Variants in MYO5B observed in about 807,000 individuals in gnomAD.
The protein encoded by MYO5B is unconventional myosin-Vb.
Under a neutral mutation model 229.3 loss-of-function variants are expected in MYO5B, and 143 were observed. The ratio of observed to expected loss-of-function variants is 0.62; its 90% CI spans 0.54 to 0.72. The LOEUF (loss-of-function observed/expected upper bound fraction) is 0.72, where lower values mean the gene tolerates loss of function less well. Ranked by LOEUF, MYO5B falls within the 30% of genes least tolerant of loss-of-function variation. The pLI is 0.00. For missense variants in MYO5B, 2,321 were observed against 2,331.0 expected (o/e 1.00, Z 0.09); for synonymous variants, 918 against 885.2 (o/e 1.04, Z -0.66).
intron 22 of MYO5B, among the ~76,000 whole-genome samples, chr18:49,892,488 A>G (rs1410250785): frequency 6.6e-6 from 1 of 152,222 alleles, no homozygotes; most frequent in African/African-American, 2.4e-5. Context: ...GCTGATGGAA[A>G]TATCAAACTC....
intron 1 of MYO5B, among the ~76,000 whole-genome samples, chr18:50,109,150 G>C (rs561619397): frequency 2.8e-4 from 43 of 152,210 alleles, no homozygotes; most frequent in African/African-American, 1.0e-3. Flanking sequence ...GAAGAACCAC[G>C]ATAAGAAAGT....
At chr18:49,935,306 T>C (rs1360719698) in intron 16 of MYO5B, among the ~76,000 whole-genome samples, 1 of 152,118 alleles carries the variant, frequency 6.6e-6, no homozygotes, top group Non-Finnish European at 1.5e-5. Context: ...AGAATTCAGT[T>C]CCTCACTCAC....
intron 1 of MYO5B, among the ~76,000 whole-genome samples, chr18:50,189,761 G>A (rs1179486570): frequency 6.6e-6 from 1 of 152,204 alleles, no homozygotes; most frequent in Non-Finnish European, 1.5e-5. Flanking sequence ...GGGTGACTGG[G>A]TACAGAGGAA....
intron 1 of MYO5B, among the ~76,000 whole-genome samples, chr18:50,059,665 C>G (rs2030639979): frequency 6.6e-6 from 1 of 152,212 alleles, no homozygotes; most frequent in Non-Finnish European, 1.5e-5. Flanking sequence ...ACCCCCTGTT[C>G]TGTGCAGGAT....
At position 49,824,005 on chromosome 18, in the gene MYO5B, C is replaced by T. The variant is rs1225693060; in HGVS notation, c.*2466G>A. 2.6e-5 allele frequency: 4 copies of T among 152,508 alleles called. No individual in the cohort carries two copies. Among genetic ancestry groups the T allele is most frequent in the African/African-American group, 9.7e-5 (4 of 41,400 alleles). 9.4% of individuals were successfully genotyped at this position (152,508 alleles called of 1,614,324 possible). ...CAACTGATGTCAGTTATCTTAGTAA[C>T]CGCTAAAGGCACCTGGTGAAAAAAA... is the stretch of plus-strand genomic sequence containing the variant. On this transcript the variant is annotated 3_prime_UTR_variant, in exon 40 of 40. Coordinates refer to ENST00000285039, the MANE Select transcript of MYO5B (RefSeq NM_001080467.3).
At chr18:50,053,827 T>C (rs2030469043) in intron 2 of MYO5B, among the ~76,000 whole-genome samples, 1 of 152,134 alleles carries the variant, frequency 6.6e-6, no homozygotes, top group Non-Finnish European at 1.5e-5. Context: ...CAGGAAATGA[T>C]CAGAGGATAT....
At chr18:50,045,154 T>G (rs1020564861) in intron 2 of MYO5B, among the ~76,000 whole-genome samples, 3 of 152,148 alleles carry the variant, frequency 2.0e-5, no homozygotes, top group African/African-American at 7.2e-5. Flanking sequence ...ATGCCTAGTT[T>G]ATAGGAGTGA....
intron 4 of MYO5B, 63 bp downstream of exon 4, chr18:50,036,786 GT>G: frequency 1.3e-6 from 2 of 1,595,812 alleles, no homozygotes; most frequent in South Asian, 2.2e-5. Context: ...GCAGAGGAAG[GT>G]AAAAACTCCC....
At chr18:50,044,594 G>A (rs1412967487) in intron 2 of MYO5B, among the ~76,000 whole-genome samples, 1 of 152,124 alleles carries the variant, frequency 6.6e-6, no homozygotes. Context: ...GAGTGAGAGT[G>A]GCAGGAGGCC....
chr18:49,848,775 A>G (rs2024162826), intron 32 of MYO5B, among the ~76,000 whole-genome samples: 1 of 152,124 alleles, frequency 6.6e-6, no homozygotes, highest in African/African-American at 2.4e-5. Flanking sequence ...TAGCAAATCC[A>G]AAGTTGGTGG....
chr18:50,129,665 G>A (rs2032223145), intron 1 of MYO5B, among the ~76,000 whole-genome samples: 2 of 152,122 alleles, frequency 1.3e-5, no homozygotes, highest in African/African-American at 4.8e-5. Context: ...GTGAAGAAGT[G>A]GAATAACTTG....
intron 4 of MYO5B, among the ~76,000 whole-genome samples, chr18:50,021,460 T>C (rs1598959366): frequency 6.6e-6 from 1 of 152,232 alleles, no homozygotes; most frequent in African/African-American, 2.4e-5. Context: ...AGAGGGGATA[T>C]AATAAAGGCT....
At chr18:50,156,310 A>T (rs1195799195) in intron 1 of MYO5B, among the ~76,000 whole-genome samples, 1 of 152,168 alleles carries the variant, frequency 6.6e-6, no homozygotes, top group Non-Finnish European at 1.5e-5. Context: ...TCCCCACCCA[A>T]ATCTCATCTT....
intron 1 of MYO5B, among the ~76,000 whole-genome samples, chr18:50,062,357 A>G (rs1264882564): frequency 6.6e-6 from 1 of 152,198 alleles, no homozygotes; most frequent in South Asian, 2.1e-4. Flanking sequence ...CTGGCAGTAT[A>G]AACTCCCTGT....
chr18:49,836,707 G>A lies in MYO5B; in HGVS notation c.5313+4C>T, dbSNP rs752865338. ...ATGTTGACAGAGGTGCAAAGTGACT[G>A]TACCTGCTGGGTGCTGAGGGAGGTA... On this transcript the variant is annotated splice_donor_region_variant and intron_variant, in intron 38 of 39. Transcript: ENST00000285039. The A allele has an allele frequency of 1.2e-6, 2 of 1,614,020 alleles. No individual in the cohort carries two copies. Among genetic ancestry groups the A allele is most frequent in the Non-Finnish European group, 1.7e-6 (2 of 1,179,910 alleles).
intron 1 of MYO5B, among the ~76,000 whole-genome samples, chr18:50,085,060 A>T (rs1259450423): frequency 6.6e-6 from 1 of 152,232 alleles, no homozygotes; most frequent in Non-Finnish European, 1.5e-5. Flanking sequence ...AAAAACTGAC[A>T]AATGGGATCT....
At chr18:50,156,842 C>T (rs2032686849) in intron 1 of MYO5B, among the ~76,000 whole-genome samples, 1 of 152,210 alleles carries the variant, frequency 6.6e-6, no homozygotes, top group Non-Finnish European at 1.5e-5. Context: ...AGCCATCACA[C>T]TAAGTGCCAT....
chr18:50,162,610 AG>A (rs776967808), intron 1 of MYO5B, among the ~76,000 whole-genome samples: 6 of 152,226 alleles, frequency 3.9e-5, no homozygotes, highest in Non-Finnish European at 8.8e-5. Context: ...ATATTCCAAA[AG>A]CAAACTGGGC....
chr18:50,151,934 A>G (rs1452297249), intron 1 of MYO5B, among the ~76,000 whole-genome samples: 1 of 152,140 alleles, frequency 6.6e-6, no homozygotes, highest in African/African-American at 2.4e-5. Flanking sequence ...GATGCACAAG[A>G]CCTGCAGCCC....
Sources: gnomAD v4.1 joint callset for allele counts (sites outside exome capture counted in the v4.1 genomes callset) on GRCh38, gnomAD v4.1.1 for gene constraint, MANE v1.5 for transcripts, NCBI Gene and HGNC (gene_info 2026-07-23, HGNC 2026-07-21) for gene names.